The following SPTBN5 variants were observed in gnomAD, a reference collection of about 807,000 sequenced individuals.
SPTBN5 encodes the protein spectrin beta, non-erythrocytic 5.
Under a neutral mutation model 477.6 loss-of-function variants are expected in SPTBN5, and 513 were observed. The ratio of observed to expected loss-of-function variants is 1.07; its 90% confidence interval spans 1.00 to 1.16. The LOEUF (loss-of-function observed/expected upper bound fraction) is 1.16, where lower values mean the gene tolerates loss of function less well. Ranked by LOEUF, SPTBN5 falls within the 50% of genes most tolerant of loss-of-function variation. SPTBN5 has a pLI of 0.00. For synonymous variants in SPTBN5, 2,169 were observed against 2,011.7 expected (o/e 1.08, Z -2.09); for missense variants, 5,062 against 4,731.8 (o/e 1.07, Z -2.05).
intron 44 of SPTBN5, 66 bp downstream of exon 44, chr15:41,862,064 G>T: frequency 7.2e-7 from 1 of 1,391,790 alleles, no homozygotes; most frequent in Non-Finnish European, 9.6e-7. Context: ...GCAAGGAGAT[G>T]AGAGGAAGGG....
rs1364200842 is a variant in SPTBN5, at chr15:41,886,178, C to G, written c.1077G>C (p.Arg359=). 7 of 1,612,824 alleles carry G rather than the reference C, an allele frequency of 4.3e-6. No homozygotes were observed. Among genetic ancestry groups the G allele is most frequent in the Non-Finnish European group, 5.1e-6 (6 of 1,179,744 alleles). ...CCTCTGCGGCCCCTCGCTGCTGTAGCCGGGGTGGCTTCTCCTGGGTGCGGA... is the reference window on the plus strand; with the variant it reads ...CCTCTGCGGCCCCTCGCTGCTGTAGGCGGGGTGGCTTCTCCTGGGTGCGGA... ...TIFRTQEKPP[R]LQQRGAAEAL... Residue 359 remains arginine (R), a synonymous_variant, in exon 7 of 68, where the codon CGG becomes CGC. Transcript: ENST00000320955.
Position 41,882,388 on chromosome 15 carries a change from G to C in SPTBN5, c.2128C>G (p.Pro710Ala). ...TCCCCGGGATCCGGCTGCGTTGGGG[G>C]CCTGCGGGCGCTGAGGTCGCGTCCC... is the stretch of plus-strand genomic sequence containing the variant. Reference protein sequence around the residue: ...RRGRDLSARRPPTQPDPGERA... With the variant: ...RRGRDLSARRAPTQPDPGERA... The change falls in exon 11 of 68, where the codon CCC becomes GCC. Residue 710 changes from proline to alanine, a missense_variant. By Grantham distance (27) the Pro-to-Ala change is conservative (BLOSUM62 -1). Transcript: ENST00000320955. The C allele has an allele frequency of 6.5e-7, 1 of 1,538,274 alleles. No individual in the cohort carries two copies. The highest frequency in any genetic ancestry group is 8.7e-7 in the Non-Finnish European group (1 of 1,148,014).
At position 41,854,871 on chromosome 15, in the gene SPTBN5, G is replaced by T. The variant is rs1341583606; in HGVS notation, c.9529C>A (p.Pro3177Thr). ...KLAGTLERGA[P>T]RRYPHIQAQR... ...GCTTGGATGTGGGGATAGCGCCTGG[G>T]TGCACCCCGCTCCAGGGTGCCTGCC... is the stretch of plus-strand genomic sequence containing the variant. Residue 3177 changes from proline (P) to threonine (T), a missense_variant, in exon 56 of 68, where the codon CCC (proline) becomes ACC (threonine). Physicochemically the swap from Pro to Thr is conservative, Grantham distance 38 (BLOSUM62 -1). Coordinates refer to ENST00000320955, the MANE Select transcript of SPTBN5 (RefSeq NM_016642.4). 9 of 1,609,582 alleles carry T rather than the reference G, an allele frequency of 5.6e-6. No individual in the cohort carries two copies. The highest frequency in any genetic ancestry group is 7.6e-6 in the Non-Finnish European group (9 of 1,177,886).
Position 41,893,079 on chromosome 15 carries a change from G to A in SPTBN5, c.217-18C>T, listed in dbSNP as rs766314337. The A allele has an allele frequency of 4.4e-6, 7 of 1,607,710 alleles. No homozygotes were observed. Among genetic ancestry groups the A allele is most frequent in the East Asian group, 2.2e-5 (1 of 44,768 alleles). On this transcript the variant is annotated intron_variant, in intron 2 of 67. Transcript: ENST00000320955. ...ATGCCCGCCTGGGGAGGGGACAGGG[G>A]TAAGTATGGGGTCAGCCCAGCCTCA... is the stretch of plus-strand genomic sequence containing the variant.
Position 41,868,507 on chromosome 15 carries a change from CT to C in SPTBN5, c.5947del (p.Ser1983ValfsTer90). 1 of 1,610,868 alleles carries C rather than the reference CT, an allele frequency of 6.2e-7. No homozygotes were observed. Among genetic ancestry groups the C allele is most frequent in the Non-Finnish European group, 8.5e-7 (1 of 1,179,790 alleles). ...CTCCGCCCGGAGCCACTGGTGGGCACTGAGCTTCAGCGGGCCACTGCTAGGC... is the reference window on the plus strand; with the variant it reads ...CTCCGCCCGGAGCCACTGGTGGGCACGAGCTTCAGCGGGCCACTGCTAGGC... Reference protein sequence around the residue: ...QEPSSGPLKLSAHQWLRAELE... With the variant: ...QEPSSGPLKLXAHQWLRAELE... On this transcript the variant is annotated frameshift_variant, in exon 33 of 68. Coordinates refer to ENST00000320955, the MANE Select transcript of SPTBN5 (RefSeq NM_016642.4). LOFTEE classifies it high-confidence loss of function.
Position 41,882,319 on chromosome 15 carries a change from G to T in SPTBN5, c.2197C>A (p.Arg733=). The T allele has an allele frequency of 1.5e-6, 2 of 1,347,612 alleles. No homozygotes were observed. The highest frequency in any genetic ancestry group is 2.5e-5 in the South Asian group (2 of 81,312). The allele number at this position is 1,347,612 out of a possible 1,614,324, so 83.5% of individuals were successfully genotyped here. Residue 733 remains arginine, a synonymous_variant, in exon 11 of 68, where the codon CGG becomes AGG. Coordinates refer to ENST00000320955, the MANE Select transcript of SPTBN5 (RefSeq NM_016642.4). ...VQGGWQLLQT[R]VVGRGARLQT... ...AGCCGTGCGCCCCGCCCCACCACCCGGGTCTGGAGCAGCTGCCACCCTCCC... is the reference window on the plus strand; with the variant it reads ...AGCCGTGCGCCCCGCCCCACCACCCTGGTCTGGAGCAGCTGCCACCCTCCC...
At chr15:41,868,716 T>C (rs2066427104) in intron 32 of SPTBN5, 115 bp from the exon 33 acceptor site, 10 of 1,017,976 alleles carry the variant, frequency 9.8e-6, no homozygotes, top group Non-Finnish European at 1.5e-5. Flanking sequence ...CGAGCCGACC[T>C]GGGTCAGGGC....
chr15:41,885,831 C>T lies in SPTBN5; in HGVS notation c.1424G>A (p.Gly475Asp). The change falls in exon 7 of 68, where the codon GGC (glycine) becomes GAC (aspartate). Residue 475 changes from glycine to aspartate, a missense_variant. By Grantham distance (94) the Gly-to-Asp change is moderately conservative. Coordinates refer to ENST00000320955, the MANE Select transcript of SPTBN5 (RefSeq NM_016642.4). ...AVQRLGMLEA[G>D]ILPQEGRFQA... is the part of the protein sequence containing the mutation. ...GAAGCGCCCCTCCTGGGGCAGGATGCCAGCCTCCAGCATGCCCAGCCTCTG... is the reference window on the plus strand; with the variant it reads ...GAAGCGCCCCTCCTGGGGCAGGATGTCAGCCTCCAGCATGCCCAGCCTCTG... 6.4e-7 allele frequency: 1 copy of T among 1,559,430 alleles called. No homozygotes were observed. The highest frequency in any genetic ancestry group is 8.7e-7 in the Non-Finnish European group (1 of 1,152,138).
intron 52 of SPTBN5, 80 bp from the exon 53 acceptor site, chr15:41,856,678 A>G (rs1222599349): frequency 9.2e-6 from 13 of 1,417,296 alleles, no homozygotes; most frequent in Non-Finnish European, 1.2e-5. Flanking sequence ...GTTTCACGGG[A>G]CCCCACTAAC....
At chr15:41,880,936 G>A (rs1229241962) in intron 13 of SPTBN5, 98 bp downstream of exon 13, 1 of 1,076,430 alleles carries the variant, frequency 9.3e-7, no homozygotes, top group Admixed American at 2.4e-5. Flanking sequence ...CTTGAGGACA[G>A]GGAACATGTC....
intron 28 of SPTBN5, 27 bp from the exon 29 acceptor site, chr15:41,871,547 G>T: frequency 6.9e-7 from 1 of 1,445,564 alleles, no homozygotes; most frequent in Non-Finnish European, 9.1e-7. Context: ...GGGTGACAGG[G>T]TAGCCCCCAG....
In SPTBN5 at chr15:41,854,886, G is replaced by C; in HGVS notation, c.9514C>G (p.Leu3172Val). 6.2e-7 allele frequency: 1 copy of C among 1,609,504 alleles called. No individual in the cohort carries two copies. The highest frequency in any genetic ancestry group is 1.1e-5 in the South Asian group (1 of 90,578). ...TAGCGCCTGGGTGCACCCCGCTCCA[G>C]GGTGCCTGCCAACTTCCTCAGGGCA... ...VYALRKLAGT[L>V]ERGAPRRYPH... Residue 3172 changes from leucine (L) to valine (V), a missense_variant, in exon 56 of 68, where the codon CTG becomes GTG. Transcript: ENST00000320955.
chr15:41,849,604 G>A (rs1194695463), intron 67 of SPTBN5, among the ~76,000 whole-genome samples: 1 of 152,172 alleles, frequency 6.6e-6, no homozygotes, highest in Non-Finnish European at 1.5e-5. Flanking sequence ...GGGAGCCTGG[G>A]CAGCTTCGTC....
chr15:41,856,697 A>G lies in SPTBN5; in HGVS notation c.8809-99T>C. Reference sequence around the variant, plus strand: ...CACGGGACCCCACTAACTTGTCCCCAAGGAGTTCCCTGTCCCCATGACTCC... The same window carrying G: ...CACGGGACCCCACTAACTTGTCCCCGAGGAGTTCCCTGTCCCCATGACTCC... On this transcript the variant is annotated intron_variant, in intron 52 of 67. Coordinates refer to ENST00000320955, the MANE Select transcript of SPTBN5 (RefSeq NM_016642.4). The G allele has an allele frequency of 2.2e-6, 3 of 1,375,226 alleles. No homozygotes were observed. In the East Asian group the frequency reaches 7.5e-5, roughly 35 times the overall value. 85.2% of individuals were successfully genotyped at this position (1,375,226 alleles called of 1,614,324 possible).
Position 41,868,093 on chromosome 15 carries a change from C to G in SPTBN5, c.6183G>C (p.Leu2061=). Residue 2061 remains leucine, a synonymous_variant, in exon 34 of 68, where the codon CTG becomes CTC. Coordinates refer to ENST00000320955, the MANE Select transcript of SPTBN5 (RefSeq NM_016642.4). ...CCTCCTGGGCCGCGAGGATCTCCTCCAGGCGGCCGCACTCTCTGAGGAAGA... is the reference window on the plus strand; with the variant it reads ...CCTCCTGGGCCGCGAGGATCTCCTCGAGGCGGCCGCACTCTCTGAGGAAGA... ...EQLFLRECGR[L]EEILAAQEVS... 6.2e-7 allele frequency: 1 copy of G among 1,603,722 alleles called. No individual in the cohort carries two copies.
chr15:41,848,590 A>T lies in SPTBN5; in HGVS notation c.*26T>A, dbSNP rs143197259. The T allele has an allele frequency of 1.2e-6, 2 of 1,613,838 alleles. No individual in the cohort carries two copies. The highest frequency in any genetic ancestry group is 1.7e-5 in the Admixed American group (1 of 60,022). On this transcript the variant is annotated 3_prime_UTR_variant, in exon 68 of 68. Coordinates refer to ENST00000320955, the MANE Select transcript of SPTBN5 (RefSeq NM_016642.4). ...GATGTGTCCTCGCTTGTGCCCCTGA[A>T]GTTTGGTGTTGCACTGGGGTTCACC...
rs574943552 is a variant in SPTBN5 at position 41,849,974 on chromosome 15, A to C, written c.10922-15T>G. 5 of 1,573,184 alleles carry C rather than the reference A, an allele frequency of 3.2e-6. No individual in the cohort carries two copies. In the Admixed American group the frequency reaches 9.2e-5, roughly 29 times the overall value. On this transcript the variant is annotated splice_polypyrimidine_tract_variant and intron_variant, in intron 66 of 67. Transcript: ENST00000320955. The stretch of plus-strand genomic sequence containing the variant: ...CAGACTCTGGGCTGCAGAGCAAGGG[A>C]ATAACCACTGTTAGCCCGGCCCAGA...
chr15:41,864,102 G>T, intron 39 of SPTBN5, 78 bp from the exon 40 acceptor site: 4 of 1,273,498 alleles, frequency 3.1e-6, no homozygotes, highest in Non-Finnish European at 4.4e-6. Context: ...GGCACTGAAA[G>T]CATGCCTGGG....
At position 41,882,275 on chromosome 15, in the gene SPTBN5, G is replaced by C. The variant is rs962961068; in HGVS notation, c.2241C>G (p.Val747=). 15 of 1,388,110 alleles carry C rather than the reference G, an allele frequency of 1.1e-5. No individual in the cohort carries two copies. The highest frequency in any genetic ancestry group is 1.1e-5 in the Non-Finnish European group (12 of 1,056,102). 86.0% of individuals were successfully genotyped at this position (1,388,110 alleles called of 1,614,324 possible). A position where few individuals can be genotyped will look rare whatever the true frequency, so the allele number is the denominator to read the frequency against. Residue 747 remains valine (V), a synonymous_variant, in exon 11 of 68, where the codon GTC becomes GTG. Coordinates refer to ENST00000320955, the MANE Select transcript of SPTBN5 (RefSeq NM_016642.4). The part of the protein sequence containing the change: ...RGARLQTALL[V]LQYFADAAEA... ...CTCCACCCCTCCCCACTACCTGCAG[G>C]ACCAGCAGGGCTGTCTGCAGCCGTG...
Sources: allele counts gnomAD v4.1 joint callset (sites outside exome capture counted in the v4.1 genomes callset), GRCh38; gene constraint gnomAD v4.1.1; transcripts MANE v1.5; gene names NCBI Gene and HGNC (gene_info 2026-07-23, HGNC 2026-07-21).